ADAM12: variants seen among roughly 807,000 people sequenced by gnomAD.
The protein encoded by ADAM12 is disintegrin and metalloproteinase domain-containing protein 12.
A neutral mutation model predicts 106.4 loss-of-function variants in ADAM12; 70 were observed. That is an observed-to-expected ratio of 0.66 (90% CI 0.54 to 0.80). ADAM12 has a LOEUF of 0.80. Among genes scored for constraint, ADAM12 ranks in the 30% least tolerant of loss-of-function variants. The pLI is 0.00. For missense variants in ADAM12, 1,010 were observed against 1,171.9 expected, an observed-to-expected ratio of 0.86 and a Z score of 2.02; for synonymous variants, 420 against 433.5, an observed-to-expected ratio of 0.97 and a Z score of 0.39.
chr10:126,274,271 C>T (rs565813677), intron 3 of ADAM12, among the ~76,000 whole-genome samples: 2 of 152,276 alleles, frequency 1.3e-5, no homozygotes, highest in African/African-American at 2.4e-5. Flanking sequence ...AGGCTTGCAA[C>T]GGCGAAGGAT....
At chr10:126,323,111 T>C (rs1371930951) in intron 2 of ADAM12, among the ~76,000 whole-genome samples, 1 of 152,166 alleles carries the variant, frequency 6.6e-6, no homozygotes, top group Non-Finnish European at 1.5e-5. Context: ...TATGATGATA[T>C]CTATTCCACA....
At chr10:126,297,421 T>C (rs907729364) in intron 2 of ADAM12, among the ~76,000 whole-genome samples, 1 of 152,142 alleles carries the variant, frequency 6.6e-6, no homozygotes, top group Non-Finnish European at 1.5e-5. Context: ...TGGTGGCATG[T>C]GTCTATAGTC....
At chr10:126,167,610 T>A (rs1410726678) in intron 3 of ADAM12, among the ~76,000 whole-genome samples, 1 of 152,084 alleles carries the variant, frequency 6.6e-6, no homozygotes, top group Non-Finnish European at 1.5e-5. Flanking sequence ...TAAAGGTGCA[T>A]GAAATATTCA....
chr10:126,077,532 G>A (rs1465574817), intron 11 of ADAM12, among the ~76,000 whole-genome samples: 2 of 152,104 alleles, frequency 1.3e-5, no homozygotes, highest in South Asian at 4.1e-4. Context: ...CATGGTAGTG[G>A]TACAAAAACA....
At chr10:126,107,197 C>A (rs1228017647) in intron 8 of ADAM12, among the ~76,000 whole-genome samples, 2 of 152,178 alleles carry the variant, frequency 1.3e-5, no homozygotes, top group Admixed American at 6.5e-5. Context: ...CTGCTATGCT[C>A]ACAGTGAAAC....
chr10:126,082,978 A>G (rs1221480699), intron 11 of ADAM12, among the ~76,000 whole-genome samples: 1 of 152,218 alleles, frequency 6.6e-6, no homozygotes, highest in African/African-American at 2.4e-5. Context: ...ATCACCACAC[A>G]CAGAATTTAT....
At chr10:126,354,808 G>GT (rs767374540) in intron 1 of ADAM12, among the ~76,000 whole-genome samples, 11,484 of 69,166 alleles carry the variant, frequency 0.17, 726 homozygotes, top group East Asian at 0.38. Flanking sequence ...GCTAAAGTTT[G>GT]TTTTTTTTTT....
intron 21 of ADAM12, among the ~76,000 whole-genome samples, chr10:126,034,171 T>C (rs1384203569): frequency 6.6e-6 from 1 of 152,214 alleles, no homozygotes; most frequent in Non-Finnish European, 1.5e-5. Context: ...TAGACTGTGA[T>C]AAAGTAAGTA....
intron 11 of ADAM12, among the ~76,000 whole-genome samples, chr10:126,082,215 G>A (rs1303369142): frequency 6.6e-6 from 1 of 152,016 alleles, no homozygotes; most frequent in African/African-American, 2.4e-5. Context: ...GCTTTTTTCT[G>A]GCCCTTTTCA....
At chr10:126,251,935 T>C (rs1450125099) in intron 3 of ADAM12, among the ~76,000 whole-genome samples, 1 of 71,432 alleles carries the variant, frequency 1.4e-5, no homozygotes, top group Non-Finnish European at 2.8e-5. Context: ...ATAGGATGGA[T>C]GGATGGGATG....
At chr10:126,324,195 T>G (rs1854209271) in intron 2 of ADAM12, among the ~76,000 whole-genome samples, 1 of 152,166 alleles carries the variant, frequency 6.6e-6, no homozygotes, top group African/African-American at 2.4e-5. Flanking sequence ...GACAAAGGTA[T>G]GGGAAGGAAG....
chr10:126,057,604 A>G (rs1954660561), intron 14 of ADAM12, among the ~76,000 whole-genome samples: 1 of 152,174 alleles, frequency 6.6e-6, no homozygotes, highest in Non-Finnish European at 1.5e-5. Flanking sequence ...CTCCAATGTT[A>G]GGTTGTAGGA....
At position 126,049,827 on chromosome 10, in the gene ADAM12, G is replaced by A. The variant is rs1331278953; in HGVS notation, c.1610-158C>T. On this transcript the variant is annotated intron_variant, in intron 14 of 22. Transcript: ENST00000448723. This position sits in a 1 kb window ranked among gnomAD's most constrained non-coding sequence, Gnocchi z 4.4. ...TGGGAGCTGGCCAGGGGAAGCCTAGGGTGTCAGCAGCTCGCATCCTCTCTT... is the reference window on the plus strand; with the variant it reads ...TGGGAGCTGGCCAGGGGAAGCCTAGAGTGTCAGCAGCTCGCATCCTCTCTT... 1.3e-5 allele frequency among the ~76,000 whole-genome samples: 2 copies of A among 152,120 alleles called. No individual in the cohort carries two copies. The highest frequency in any genetic ancestry group is 2.9e-5 in the Non-Finnish European group (2 of 68,028).
chr10:126,355,648 G>C (rs143269638), intron 1 of ADAM12, among the ~76,000 whole-genome samples: 18 of 152,326 alleles, frequency 1.2e-4, no homozygotes, highest in African/African-American at 2.9e-4. Context: ...GCAGTGGGCA[G>C]GGAGAACCAG....
chr10:126,348,425 T>C (rs1354611911), intron 1 of ADAM12, among the ~76,000 whole-genome samples: 1 of 152,084 alleles, frequency 6.6e-6, no homozygotes, highest in African/African-American at 2.4e-5. Context: ...AAGCTTCTTA[T>C]ATGGAAAGAG....
At chr10:126,157,973 G>A (rs1001987939) in intron 3 of ADAM12, among the ~76,000 whole-genome samples, 1 of 152,254 alleles carries the variant, frequency 6.6e-6, no homozygotes, top group Non-Finnish European at 1.5e-5. Context: ...GATGGTGGAG[G>A]AGTCTGGTGA....
chr10:126,018,989 C>T (rs987756445), intron 22 of ADAM12, among the ~76,000 whole-genome samples: 2 of 152,158 alleles, frequency 1.3e-5, no homozygotes, highest in Non-Finnish European at 2.9e-5. Flanking sequence ...TGTGTTCCTG[C>T]CCCAGTCTCA....
At chr10:126,203,359 T>C (rs1381742324) in intron 3 of ADAM12, among the ~76,000 whole-genome samples, 4 of 152,210 alleles carry the variant, frequency 2.6e-5, no homozygotes, top group African/African-American at 9.6e-5. Context: ...CTTGGTTCAG[T>C]TGTTACTAAA....
intron 2 of ADAM12, among the ~76,000 whole-genome samples, chr10:126,287,937 C>T (rs61866278): frequency 6.6e-6 from 1 of 150,436 alleles, no homozygotes; most frequent in African/African-American, 2.5e-5. Flanking sequence ...TCCCCACACC[C>T]GGAGCAGGGC....
Sources: gnomAD v4.1 joint callset for allele counts (sites outside exome capture counted in the v4.1 genomes callset) on GRCh38, gnomAD v4.1.1 for gene constraint, Gnocchi (gnomAD v3.1) non-coding constraint, MANE v1.5 for transcripts, NCBI Gene and HGNC (gene_info 2026-07-23, HGNC 2026-07-21) for gene names.